Variants in RYR3 observed in about 807,000 individuals in gnomAD.
The protein encoded by RYR3 is ryanodine receptor 3.
A neutral mutation model predicts 584.3 loss-of-function variants in RYR3; 207 were observed. That is an observed-to-expected ratio of 0.35 (90% CI 0.32 to 0.40). The LOEUF (loss-of-function observed/expected upper bound fraction) is 0.40, where lower values mean the gene tolerates loss of function less well. RYR3 is among the 10% of genes least tolerant of loss of function. The pLI, the probability that RYR3 is intolerant of heterozygous loss-of-function variation, is 1.00. For synonymous variants in RYR3, 2,416 were observed against 2,248.5 expected (o/e 1.07, Z -2.11); for missense variants, 5,616 against 6,089.2 (o/e 0.92, Z 2.59).
chr15:33,751,347 A>T (rs1410410770), intron 57 of RYR3, among the ~76,000 whole-genome samples: 2 of 152,226 alleles, frequency 1.3e-5, no homozygotes, highest in Admixed American at 6.5e-5. Context: ...TTACGCTCCC[A>T]CCAACAGTGT....
Position 33,865,301 on chromosome 15 carries a change from C to A in RYR3, c.*75C>A. 1.0e-6 allele frequency: 1 copy of A among 978,306 alleles called. No homozygotes were observed. The highest frequency in any genetic ancestry group is 1.6e-6 in the Non-Finnish European group (1 of 638,874). The allele number at this position is 978,306 out of a possible 1,614,324, so 60.6% of individuals were successfully genotyped here. Reference sequence around the variant, plus strand: ...ATAAAGTCCCCTTTTTACAGTTCTGCAACATATCTGAAATGTGACATTTTC... The same window carrying A: ...ATAAAGTCCCCTTTTTACAGTTCTGAAACATATCTGAAATGTGACATTTTC... On this transcript the variant is annotated 3_prime_UTR_variant, in exon 104 of 104. Coordinates refer to ENST00000634891, the MANE Select transcript of RYR3 (RefSeq NM_001036.6).
chr15:33,566,910 C>G, intron 12 of RYR3, 111 bp downstream of exon 12: 1 of 1,218,524 alleles, frequency 8.2e-7, no homozygotes, highest in Non-Finnish European at 1.2e-6. Context: ...TAATGATACA[C>G]CAGCAAAGAG....
chr15:33,518,856 A>G (rs2053744169), intron 3 of RYR3, among the ~76,000 whole-genome samples: 1 of 152,236 alleles, frequency 6.6e-6, no homozygotes, highest in African/African-American at 2.4e-5. Context: ...TCTGAGACAC[A>G]CTAGTCCTGC....
Position 33,581,586 on chromosome 15 carries a change from A to G in RYR3, c.1516A>G (p.Arg506Gly). The change falls in exon 14 of 104, where the codon AGG (arginine) becomes GGG (glycine). Residue 506 changes from arginine (R) to glycine (G), a missense_variant. This residue lies in a region of RYR3 where 1,284 missense variants were observed against 1,344.6 expected (regional missense o/e 0.95). Transcript: ENST00000634891. ...CGTAGCACACTTTGCAGGGATTGCA[A>G]GGGAAGAGAGTGGCATGGCCTGGAA... The part of the protein sequence containing the change: ...NSVAHFAGIA[R>G]EESGMAWKEI... The G allele has an allele frequency of 6.2e-7, 1 of 1,613,790 alleles. No individual in the cohort carries two copies. Among genetic ancestry groups the G allele is most frequent in the Non-Finnish European group, 8.5e-7 (1 of 1,179,696 alleles).
At position 33,363,850 on chromosome 15, in the gene RYR3, A is replaced by G. The variant is rs188151211; in HGVS notation, c.51+52754A>G. On this transcript the variant is annotated intron_variant, in intron 1 of 103. Coordinates refer to ENST00000634891, the MANE Select transcript of RYR3 (RefSeq NM_001036.6). The stretch of plus-strand genomic sequence containing the variant: ...TGTGGCTGATGCAATGGAGGAATGG[A>G]ATTTAAAATTTTATTTAATTTTAAT... Among the ~76,000 whole-genome samples, 8 of 152,286 alleles carry G rather than the reference A, an allele frequency of 5.3e-5. No homozygotes were observed. In the East Asian group the frequency reaches 1.3e-3, roughly 26 times the overall value.
rs1022158840 is a variant in RYR3, at chr15:33,826,581, A to G, written c.11165-91A>G. ...TCCTTTTCCAAACCATTCTGACACA[A>G]CTCCTTTATCATCTGTGTAGTCATT... On this transcript the variant is annotated intron_variant, in intron 83 of 103. Transcript: ENST00000634891. The G allele has an allele frequency of 1.1e-5, 13 of 1,134,592 alleles. No individual in the cohort carries two copies. The African/African-American group carries it at 1.8e-4, about 16-fold the overall frequency. The allele number at this position is 1,134,592 out of a possible 1,614,324, so 70.3% of individuals were successfully genotyped here.
intron 38 of RYR3, among the ~76,000 whole-genome samples, chr15:33,678,134 C>G (rs1037088414): frequency 6.6e-6 from 1 of 152,162 alleles, no homozygotes; most frequent in Non-Finnish European, 1.5e-5. Flanking sequence ...CATTCAGGCA[C>G]AGTAATAAAG....
chr15:33,748,598 G>A, intron 55 of RYR3, 68 bp downstream of exon 55: 7 of 1,336,574 alleles, frequency 5.2e-6, no homozygotes, highest in South Asian at 1.2e-5. Context: ...AAGAGTTAAA[G>A]GGGGAAAAAA....
At chr15:33,692,226 G>A (rs556527419) in intron 38 of RYR3, among the ~76,000 whole-genome samples, 66 of 152,252 alleles carry the variant, frequency 4.3e-4, no homozygotes, top group African/African-American at 1.5e-3. Flanking sequence ...CTGATGCACG[G>A]GAGCTAATTA....
chr15:33,772,749 A>C (rs2073675905), intron 63 of RYR3, among the ~76,000 whole-genome samples: 1 of 152,224 alleles, frequency 6.6e-6, no homozygotes, highest in Non-Finnish European at 1.5e-5. Context: ...CCAGTTGTTG[A>C]TAGCTAAGAC....
intron 81 of RYR3, among the ~76,000 whole-genome samples, chr15:33,824,533 A>C (rs543577079): frequency 6.6e-6 from 1 of 152,346 alleles, no homozygotes; most frequent in South Asian, 2.1e-4. Context: ...GTAGAAGGAT[A>C]GTTTTGTGTT....
At chr15:33,334,498 G>T (rs1335284888) in intron 1 of RYR3, among the ~76,000 whole-genome samples, 1 of 152,090 alleles carries the variant, frequency 6.6e-6, no homozygotes, top group Non-Finnish European at 1.5e-5. Flanking sequence ...ATTGAACCTG[G>T]ACTCCTTCCT....
intron 60 of RYR3, among the ~76,000 whole-genome samples, chr15:33,766,886 C>A (rs1019291368): frequency 6.6e-6 from 1 of 152,182 alleles, no homozygotes; most frequent in East Asian, 1.9e-4. Flanking sequence ...ACTCGGGGCC[C>A]TCATAACTCT....
chr15:33,805,920 A>C (rs1193908172), intron 69 of RYR3, among the ~76,000 whole-genome samples: 150 of 105,680 alleles, frequency 1.4e-3, no homozygotes, highest in Admixed American at 1.9e-3. Context: ...CTCCCCTTTC[A>C]CCCTCCCCTT....
At chr15:33,565,195 T>G (rs2057642376) in intron 11 of RYR3, among the ~76,000 whole-genome samples, 2 of 152,212 alleles carry the variant, frequency 1.3e-5, no homozygotes, top group African/African-American at 2.4e-5. Flanking sequence ...TTAAATGTGT[T>G]ATCTGAGCAA....
intron 67 of RYR3, among the ~76,000 whole-genome samples, chr15:33,796,166 GCT>G (rs2075605712): frequency 6.6e-6 from 1 of 151,848 alleles, no homozygotes; most frequent in Admixed American, 6.6e-5. Flanking sequence ...ACAAAGTCTC[GCT>G]CTGTCGCCCA....
chr15:33,434,184 G>C (rs182600905), intron 1 of RYR3, among the ~76,000 whole-genome samples: 34 of 152,338 alleles, frequency 2.2e-4, no homozygotes, highest in Non-Finnish European at 4.1e-4. Context: ...GTGCCTGAGA[G>C]AGAGCCCATC....
intron 89 of RYR3, among the ~76,000 whole-genome samples, chr15:33,840,201 G>A (rs1052247835): frequency 4.6e-5 from 7 of 152,158 alleles, no homozygotes; most frequent in African/African-American, 1.2e-4. Flanking sequence ...GAAAAGCTGG[G>A]GCAGGCATAC....
chr15:33,770,601 T>A (rs555462741), intron 62 of RYR3, among the ~76,000 whole-genome samples: 39 of 152,136 alleles, frequency 2.6e-4, no homozygotes, highest in Middle Eastern at 6.8e-3. Flanking sequence ...ATTTTAAAAA[T>A]TATCCAGACA....
Sources: gnomAD v4.1 joint callset for allele counts (sites outside exome capture counted in the v4.1 genomes callset) on GRCh38, gnomAD v4.1.1 for gene constraint, gnomAD v4.1.1 regional missense constraint, MANE v1.5 for transcripts, NCBI Gene and HGNC (gene_info 2026-07-23, HGNC 2026-07-21) for gene names.